Variants in MB21D2 observed in about 807,000 individuals in gnomAD.
MB21D2 encodes the protein nucleotidyltransferase MB21D2.
MB21D2 carries 9 observed loss-of-function variants against 33.3 expected under a neutral mutation model. That is an observed-to-expected ratio of 0.27 (90% CI 0.16 to 0.47). The LOEUF is 0.47. Ranked by LOEUF, MB21D2 falls within the 20% of genes least tolerant of loss-of-function variation. The pLI is 0.99. For synonymous variants in MB21D2, 241 were observed against 236.3 expected, an observed-to-expected ratio of 1.02 and a Z score of -0.18; for missense variants, 540 against 624.6, an observed-to-expected ratio of 0.86 and a Z score of 1.44.
chr3:192,911,791 C>G (rs1714363542), intron 1 of MB21D2, among the ~76,000 whole-genome samples: 1 of 152,140 alleles, frequency 6.6e-6, no homozygotes, highest in African/African-American at 2.4e-5. Context: ...CCAATCCAAA[C>G]TAGCACAAAA....
intron 1 of MB21D2, among the ~76,000 whole-genome samples, chr3:192,860,506 A>G (rs1016069943): frequency 2.6e-5 from 4 of 152,256 alleles, no homozygotes; most frequent in African/African-American, 9.6e-5. Context: ...GATAGTGGCA[A>G]TTTAAGAAAG....
rs528445361 is a variant in MB21D2, at chr3:192,797,402, G to T, written c.*984C>A. 1 of 152,542 alleles carries T rather than the reference G, an allele frequency of 6.6e-6. No individual in the cohort carries two copies. Among genetic ancestry groups the T allele is most frequent in the East Asian group, 1.9e-4 (1 of 5,168 alleles). The allele number at this position is 152,542 out of a possible 1,614,324, so 9.4% of individuals were successfully genotyped here. ...GTATATTTTCCCCAGCTTTAGATGG[G>T]GTCAACATGTATAAAGCTTTAACAA... On this transcript the variant is annotated 3_prime_UTR_variant, in exon 2 of 2. Transcript: ENST00000392452.
chr3:192,909,935 TC>T (rs1560258406), intron 1 of MB21D2, among the ~76,000 whole-genome samples: 1 of 30,612 alleles, frequency 3.3e-5, no homozygotes, highest in Non-Finnish European at 5.2e-5. Context: ...AGACTCTGTC[TC>T]AAAAAAAAAA....
chr3:192,865,016 C>T (rs1713140869), intron 1 of MB21D2, among the ~76,000 whole-genome samples: 2 of 152,164 alleles, frequency 1.3e-5, no homozygotes, highest in Non-Finnish European at 2.9e-5. Context: ...TCCCTCACCC[C>T]CAACAGATTT....
intron 1 of MB21D2, among the ~76,000 whole-genome samples, chr3:192,889,009 A>T (rs1713792866): frequency 6.6e-6 from 1 of 152,008 alleles, no homozygotes; most frequent in Non-Finnish European, 1.5e-5. Flanking sequence ...TGGTTCACAT[A>T]TGCATGACAG....
chr3:192,832,853 C>T (rs1208703112), intron 1 of MB21D2, among the ~76,000 whole-genome samples: 4 of 152,150 alleles, frequency 2.6e-5, no homozygotes, highest in Non-Finnish European at 5.9e-5. Flanking sequence ...TCTTTTAAAT[C>T]AATCAATAAA....
At chr3:192,872,507 C>T (rs1254867238) in intron 1 of MB21D2, among the ~76,000 whole-genome samples, 7 of 150,268 alleles carry the variant, frequency 4.7e-5, no homozygotes, top group East Asian at 2.0e-4. Flanking sequence ...ACCCGGGAGG[C>T]GGAGCTTGCA....
In MB21D2 at chr3:192,911,357, G is replaced by A. The variant is rs565812959; in HGVS notation, c.211+6273C>T. On this transcript the variant is annotated intron_variant, in intron 1 of 1. Transcript: ENST00000392452. ...TCACTCACTATGCCTTTTTGTCTCT[G>A]TCCCAGGTGGAAGAACTCCACTATT... is the stretch of plus-strand genomic sequence containing the variant. Among the ~76,000 whole-genome samples, 21 of 152,056 alleles carry A rather than the reference G, an allele frequency of 1.4e-4. 1 individual carries two copies. In the South Asian group the frequency reaches 4.4e-3, roughly 32 times the overall value.
chr3:192,916,855 G>A (rs1212916141), intron 1 of MB21D2, among the ~76,000 whole-genome samples: 1 of 152,136 alleles, frequency 6.6e-6, no homozygotes, highest in Non-Finnish European at 1.5e-5. Context: ...ACCTCTTTCG[G>A]CCAGCGCTAA....
At chr3:192,802,390 G>A (rs1003971475) in intron 1 of MB21D2, among the ~76,000 whole-genome samples, 30 of 152,080 alleles carry the variant, frequency 2.0e-4, no homozygotes, top group African/African-American at 6.0e-4. Flanking sequence ...CAGAGGCTGC[G>A]TCCTGAGAAA....
chr3:192,809,829 A>T (rs1711748462), intron 1 of MB21D2, among the ~76,000 whole-genome samples: 1 of 152,334 alleles, frequency 6.6e-6, no homozygotes, highest in African/African-American at 2.4e-5. Flanking sequence ...TCTGTGTTGC[A>T]CACTTAGCTC....
At chr3:192,822,810 C>T (rs1464900688) in intron 1 of MB21D2, among the ~76,000 whole-genome samples, 1 of 152,192 alleles carries the variant, frequency 6.6e-6, no homozygotes, top group Non-Finnish European at 1.5e-5. Flanking sequence ...TAGTTAGAGG[C>T]CACGCAGCTA....
intron 1 of MB21D2, among the ~76,000 whole-genome samples, chr3:192,815,876 A>G (rs757981461): frequency 1.3e-5 from 2 of 152,224 alleles, no homozygotes; most frequent in Middle Eastern, 3.2e-3. Context: ...AAGCATAGAT[A>G]AAGTGATTGC....
chr3:192,901,256 G>C (rs1714093842), intron 1 of MB21D2, among the ~76,000 whole-genome samples: 3 of 151,962 alleles, frequency 2.0e-5, no homozygotes. Context: ...ATAGAGAAAT[G>C]AATGTTTCCA....
At chr3:192,864,170 G>A (rs1295501073) in intron 1 of MB21D2, among the ~76,000 whole-genome samples, 1 of 152,180 alleles carries the variant, frequency 6.6e-6, no homozygotes, top group Non-Finnish European at 1.5e-5. Flanking sequence ...AAAAGTAGGT[G>A]TGCTCCAGGT....
chr3:192,854,383 C>A (rs1712874183), intron 1 of MB21D2, among the ~76,000 whole-genome samples: 1 of 152,148 alleles, frequency 6.6e-6, no homozygotes, highest in African/African-American at 2.4e-5. Flanking sequence ...CTCTTCAATT[C>A]TCTGAGAGCT....
chr3:192,821,770 A>C (rs1712064504), intron 1 of MB21D2, among the ~76,000 whole-genome samples: 1 of 152,180 alleles, frequency 6.6e-6, no homozygotes, highest in African/African-American at 2.4e-5. Flanking sequence ...AGTGATTTGG[A>C]GGTCTACAAA....
At chr3:192,847,716 C>G (rs1560238175) in intron 1 of MB21D2, among the ~76,000 whole-genome samples, 1 of 152,182 alleles carries the variant, frequency 6.6e-6, no homozygotes, top group Non-Finnish European at 1.5e-5. Context: ...GCCTACCTGA[C>G]AACTTACTTT....
intron 1 of MB21D2, among the ~76,000 whole-genome samples, chr3:192,877,404 G>A (rs1485686788): frequency 6.6e-6 from 1 of 152,176 alleles, no homozygotes; most frequent in South Asian, 2.1e-4. Context: ...CATTTTGAGT[G>A]TTCAGAACCA....
Sources: allele counts gnomAD v4.1 joint callset (sites outside exome capture counted in the v4.1 genomes callset), GRCh38; gene constraint gnomAD v4.1.1; transcripts MANE v1.5; gene names NCBI Gene and HGNC (gene_info 2026-07-23, HGNC 2026-07-21).